Variants in STOX2 observed in about 807,000 individuals in gnomAD.
The protein encoded by STOX2 is storkhead box 2.
Under a neutral mutation model 60.9 loss-of-function variants are expected in STOX2, and 28 were observed. The ratio of observed to expected loss-of-function variants is 0.46; its 90% CI spans 0.34 to 0.63. The LOEUF is 0.63. Among genes scored for constraint, STOX2 ranks in the 30% least tolerant of loss-of-function variants. The pLI, the probability that STOX2 is intolerant of heterozygous loss-of-function variation, is 0.01. For missense variants in STOX2, 1,024 were observed against 1,187.7 expected (o/e 0.86, Z 2.03); for synonymous variants, 472 against 463.9 (o/e 1.02, Z -0.22).
chr4:183,868,508 A>G (rs904514449), intron 1 of STOX2, among the ~76,000 whole-genome samples: 4 of 152,242 alleles, frequency 2.6e-5, no homozygotes, highest in African/African-American at 9.6e-5. Flanking sequence ...TCATCTGGGC[A>G]TGCTGGTGAG....
chr4:183,798,161 C>G, intron 1 of STOX2: 2 of 1,106,062 alleles, frequency 1.8e-6, no homozygotes, highest in Non-Finnish European at 2.3e-6. Flanking sequence ...CGGGCACCGC[C>G]GAGGCTCCCC....
intron 1 of STOX2, among the ~76,000 whole-genome samples, chr4:183,939,598 A>ATT (rs1377155742): frequency 6.8e-6 from 1 of 146,986 alleles, no homozygotes; most frequent in African/African-American, 2.5e-5. Flanking sequence ...ATGGTCACAG[A>ATT]TTTTTTTTTT....
chr4:183,825,917 G>A lies in STOX2; in HGVS notation c.364+27862G>A, dbSNP rs762864071. Among the ~76,000 whole-genome samples the A allele has an allele frequency of 3.2e-4, 49 of 152,150 alleles. No homozygotes were observed. Among genetic ancestry groups the A allele is most frequent in the Non-Finnish European group, 5.6e-4 (38 of 68,014 alleles). ...ATGGGGAGAAGGCGCGAGAAGGGTC[G>A]TTGGCTGTGAGCTGAAAATCGACAC... On this transcript the variant is annotated intron_variant, in intron 1 of 2. Transcript: ENST00000513034. The surrounding 1 kb of genome is among the most constrained non-coding windows in gnomAD (Gnocchi z 4.1).
At chr4:183,814,398 T>C (rs562971003) in intron 1 of STOX2, among the ~76,000 whole-genome samples, 13 of 152,298 alleles carry the variant, frequency 8.5e-5, no homozygotes, top group African/African-American at 2.4e-4. Context: ...CTTTGCCGAG[T>C]AATTTTCTCA....
chr4:183,818,687 C>T (rs920841447), intron 1 of STOX2, among the ~76,000 whole-genome samples: 14 of 151,882 alleles, frequency 9.2e-5, no homozygotes, highest in East Asian at 2.0e-4. Flanking sequence ...CAGAGGCGCC[C>T]CCCACCTCCC....
At chr4:183,874,528 G>A (rs1339284078) in intron 1 of STOX2, among the ~76,000 whole-genome samples, 5 of 152,092 alleles carry the variant, frequency 3.3e-5, no homozygotes. Flanking sequence ...CCTTTGTTGT[G>A]TATTTTAAAA....
intron 1 of STOX2, among the ~76,000 whole-genome samples, chr4:183,931,640 T>A (rs1742427143): frequency 6.6e-6 from 1 of 152,162 alleles, no homozygotes; most frequent in African/African-American, 2.4e-5. Context: ...GTAAAGGTAG[T>A]GTGGCGCAAG....
intron 1 of STOX2, among the ~76,000 whole-genome samples, chr4:183,974,483 T>A (rs1224237585): frequency 2.0e-5 from 3 of 152,130 alleles, no homozygotes; most frequent in Non-Finnish European, 2.9e-5. Context: ...CTACAGGTAA[T>A]ACATTTTAAA....
chr4:183,985,581 G>C (rs1443845116), intron 1 of STOX2, among the ~76,000 whole-genome samples: 2 of 152,116 alleles, frequency 1.3e-5, no homozygotes, highest in African/African-American at 4.8e-5. Flanking sequence ...CCCATATATA[G>C]ATGAAAACAT....
chr4:183,809,017 G>T (rs1010414458), intron 1 of STOX2, among the ~76,000 whole-genome samples: 3 of 152,160 alleles, frequency 2.0e-5, no homozygotes, highest in Non-Finnish European at 2.9e-5. Context: ...TCATCTGTAC[G>T]CATTGTAAAC....
chr4:184,001,227 T>C lies in STOX2; in HGVS notation c.167-98T>C. ...GCTGCTATGTTCGGAGCTGACTGTGTTCGTCAGACCAGGGCCAGATGGACG... is the reference window on the plus strand; with the variant it reads ...GCTGCTATGTTCGGAGCTGACTGTGCTCGTCAGACCAGGGCCAGATGGACG... On this transcript the variant is annotated intron_variant, in intron 1 of 3. Coordinates refer to ENST00000308497, the MANE Select transcript of STOX2 (RefSeq NM_020225.3). The surrounding 1 kb of genome is among the most constrained non-coding windows in gnomAD (Gnocchi z 4.2). 8.4e-7 allele frequency: 1 copy of C among 1,197,440 alleles called. No individual in the cohort carries two copies. The highest frequency in any genetic ancestry group is 1.2e-6 in the Non-Finnish European group (1 of 835,176). The allele number at this position is 1,197,440 out of a possible 1,614,324, so 74.2% of individuals were successfully genotyped here.
intron 1 of STOX2, among the ~76,000 whole-genome samples, chr4:184,000,631 G>T (rs1010366065): frequency 2.0e-5 from 3 of 152,096 alleles, no homozygotes; most frequent in African/African-American, 7.2e-5. Context: ...TCCCAGCCCC[G>T]CAGGGACACA....
intron 1 of STOX2, among the ~76,000 whole-genome samples, chr4:183,972,671 T>TA (rs200501657): frequency 6.6e-6 from 1 of 151,732 alleles, no homozygotes; most frequent in Admixed American, 6.6e-5. Context: ...ATCACGTGCT[T>TA]AAAAAAAAAT....
At chr4:183,908,008 GTGGTTGGTACTTA>G (rs1741666997) in intron 1 of STOX2, among the ~76,000 whole-genome samples, 1 of 152,226 alleles carries the variant, frequency 6.6e-6, no homozygotes, top group South Asian at 2.1e-4. Context: ...TTTTAAGCTT[GTGGTTGGTACTTA>G]CAGTCTAGCT....
At chr4:183,920,429 T>C (rs563254316) in intron 1 of STOX2, among the ~76,000 whole-genome samples, 50 of 152,294 alleles carry the variant, frequency 3.3e-4, no homozygotes, top group Non-Finnish European at 6.3e-4. Context: ...AAGTAAAGTA[T>C]TGAATACTGT....
chr4:183,972,683 C>T (rs1255460851), intron 1 of STOX2, among the ~76,000 whole-genome samples: 2 of 152,106 alleles, frequency 1.3e-5, no homozygotes, highest in Non-Finnish European at 2.9e-5. Flanking sequence ...AAAAAAAATT[C>T]AACATTGTCC....
At chr4:183,972,637 C>T (rs1011504502) in intron 1 of STOX2, among the ~76,000 whole-genome samples, 9 of 152,100 alleles carry the variant, frequency 5.9e-5, no homozygotes, top group African/African-American at 1.9e-4. Context: ...GTTTGGAAAT[C>T]GCAGCCTGAA....
chr4:183,957,709 A>G (rs753097867), intron 1 of STOX2, among the ~76,000 whole-genome samples: 5 of 152,214 alleles, frequency 3.3e-5, no homozygotes, highest in Non-Finnish European at 7.3e-5. Context: ...CTGACACTAA[A>G]TGATGTTCCA....
At chr4:184,004,972 A>G (rs1165562845) in intron 2 of STOX2, among the ~76,000 whole-genome samples, 2 of 152,232 alleles carry the variant, frequency 1.3e-5, no homozygotes, top group African/African-American at 4.8e-5. Context: ...GAGAATGTTA[A>G]TAGATACACT....
Sources: gnomAD v4.1 joint callset for allele counts (sites outside exome capture counted in the v4.1 genomes callset) on GRCh38, gnomAD v4.1.1 for gene constraint, Gnocchi (gnomAD v3.1) non-coding constraint, MANE v1.5 for transcripts, NCBI Gene and HGNC (gene_info 2026-07-23, HGNC 2026-07-21) for gene names.